The following FMN1 variants were observed in gnomAD, a reference collection of about 807,000 sequenced individuals.
The protein encoded by FMN1 is formin 1, also known as formin-1.
Under a neutral mutation model 132.4 loss-of-function variants are expected in FMN1, and 110 were observed. The observed-to-expected ratio is 0.83, with a 90% CI of 0.71 to 0.97. FMN1 has a LOEUF of 0.97. Ranked by LOEUF, FMN1 falls within the 50% of genes least tolerant of loss-of-function variation. FMN1 has a pLI of 0.00. For synonymous variants in FMN1, 722 were observed against 651.7 expected, an observed-to-expected ratio of 1.11 and a Z score of -1.64; for missense variants, 1,792 against 1,705.3, an observed-to-expected ratio of 1.05 and a Z score of -0.90.
chr15:32,829,235 T>C lies in FMN1; in HGVS notation c.3929-24903A>G, dbSNP rs535454614. 2.6e-5 allele frequency among the ~76,000 whole-genome samples: 4 copies of C among 152,336 alleles called. No homozygotes were observed. In the East Asian group the frequency reaches 7.7e-4, roughly 29 times the overall value. ...AATAACAAAAATTTGCCATGCAATATATAATCTAAGATGGCACAACAGTTT... is the reference window on the plus strand; with the variant it reads ...AATAACAAAAATTTGCCATGCAATACATAATCTAAGATGGCACAACAGTTT... On this transcript the variant is annotated intron_variant, in intron 17 of 20. Coordinates refer to ENST00000616417, the MANE Select transcript of FMN1 (RefSeq NM_001277313.2).
At chr15:33,058,342 A>G (rs998005535) in intron 6 of FMN1, among the ~76,000 whole-genome samples, 3 of 152,228 alleles carry the variant, frequency 2.0e-5, no homozygotes, top group Admixed American at 6.5e-5. Flanking sequence ...AAGAGGACTC[A>G]AAGTAGACTG....
intron 6 of FMN1, among the ~76,000 whole-genome samples, chr15:33,018,814 T>G (rs1362825002): frequency 6.6e-6 from 1 of 152,180 alleles, no homozygotes; most frequent in Non-Finnish European, 1.5e-5. Context: ...CTGGCTTCAG[T>G]GAATCTGCAT....
rs570497792 is a variant in FMN1, at chr15:33,056,278, G to C, written c.2161+8679C>G. Among the ~76,000 whole-genome samples, 57 of 152,306 alleles carry C rather than the reference G, an allele frequency of 3.7e-4. 2 individuals are homozygous for C. The highest frequency in any genetic ancestry group is 6.8e-3 in the Middle Eastern group (2 of 294). ...TTCAGAGTAATGTTTGCCATTAAAA[G>C]AAAAACCTTAGCCAAATTAAGTTTA... On this transcript the variant is annotated intron_variant, in intron 6 of 20. Coordinates refer to ENST00000616417, the MANE Select transcript of FMN1 (RefSeq NM_001277313.2).
chr15:32,811,380 A>G (rs2057871090), intron 17 of FMN1, among the ~76,000 whole-genome samples: 2 of 152,148 alleles, frequency 1.3e-5, no homozygotes, highest in African/African-American at 4.8e-5. Context: ...ATGAGGTTGT[A>G]TAAAGACATG....
intron 6 of FMN1, among the ~76,000 whole-genome samples, chr15:33,010,891 A>G (rs934861458): frequency 1.3e-5 from 2 of 151,738 alleles, no homozygotes; most frequent in Non-Finnish European, 2.9e-5. Flanking sequence ...TTTTATTGAC[A>G]TATTTTACTA....
chr15:33,088,009 T>A (rs150555349), intron 5 of FMN1, among the ~76,000 whole-genome samples: 1 of 152,052 alleles, frequency 6.6e-6, no homozygotes, highest in Non-Finnish European at 1.5e-5. Flanking sequence ...AGCTAAGCTA[T>A]GAGGACGCAA....
intron 10 of FMN1, among the ~76,000 whole-genome samples, chr15:32,920,736 G>A (rs1408003244): frequency 2.6e-5 from 4 of 152,112 alleles, no homozygotes; most frequent in Admixed American, 6.6e-5. Flanking sequence ...ACACATTCCT[G>A]CTGAAGCCAG....
intron 17 of FMN1, among the ~76,000 whole-genome samples, chr15:32,821,825 C>A (rs1004352477): frequency 2.6e-5 from 4 of 152,172 alleles, no homozygotes; most frequent in African/African-American, 9.7e-5. Context: ...AATACCCTAA[C>A]CTGGAACAAT....
In FMN1 at chr15:33,039,080, AAC is replaced by A. The variant is rs1416722443; in HGVS notation, c.2161+25875_2161+25876del. ...AAAAACTGAATTGGGGGATAAAACAAACACACACGATGTTAAACAATATAGTA... is the reference window on the plus strand; with the variant it reads ...AAAAACTGAATTGGGGGATAAAACAAACACACGATGTTAAACAATATAGTA... On this transcript the variant is annotated intron_variant, in intron 6 of 20. Transcript: ENST00000616417. 3.9e-5 allele frequency among the ~76,000 whole-genome samples: 6 copies of A among 152,342 alleles called. No homozygotes were observed. In the South Asian group the frequency reaches 1.2e-3, roughly 32 times the overall value.
At chr15:33,156,790 ATTAGGAG>A (rs1157251455) in intron 3 of FMN1, among the ~76,000 whole-genome samples, 1 of 152,194 alleles carries the variant, frequency 6.6e-6, no homozygotes, top group African/African-American at 2.4e-5. Flanking sequence ...AGCACTAAGC[ATTAGGAG>A]TTCAATTAAT....
chr15:32,924,644 G>A (rs1025202668), intron 10 of FMN1, among the ~76,000 whole-genome samples: 1 of 152,238 alleles, frequency 6.6e-6, no homozygotes, highest in African/African-American at 2.4e-5. Context: ...CATTTGCTGG[G>A]CATAGTGGCT....
chr15:32,960,112 T>C (rs547881430), intron 9 of FMN1, among the ~76,000 whole-genome samples: 2 of 152,340 alleles, frequency 1.3e-5, no homozygotes, highest in South Asian at 2.1e-4. Flanking sequence ...ATGAATCTAA[T>C]TGCATGGGAA....
intron 6 of FMN1, among the ~76,000 whole-genome samples, chr15:33,055,015 C>G (rs74244007): frequency 1.3e-5 from 2 of 152,150 alleles, no homozygotes; most frequent in East Asian, 3.8e-4. Flanking sequence ...AGCCACAGCA[C>G]TCAAAAATTT....
intron 2 of FMN1, among the ~76,000 whole-genome samples, chr15:33,182,255 T>C (rs568417848): frequency 1.3e-5 from 2 of 152,344 alleles, no homozygotes; most frequent in East Asian, 3.9e-4. Context: ...CTCTGAAGTC[T>C]GGCTCATTCA....
At chr15:33,077,663 G>A (rs2038273141) in intron 5 of FMN1, among the ~76,000 whole-genome samples, 1 of 151,552 alleles carries the variant, frequency 6.6e-6, no homozygotes, top group African/African-American at 2.4e-5. Context: ...ATGGTTTCCA[G>A]CTTCATCCAT....
In FMN1 at chr15:33,165,462, C is replaced by T. The variant is rs930073212; in HGVS notation, c.-131-10417G>A. Among the ~76,000 whole-genome samples, 6 of 152,336 alleles carry T rather than the reference C, an allele frequency of 3.9e-5. No homozygotes were observed. The East Asian group carries it at 7.7e-4, about 20-fold the overall frequency. On this transcript the variant is annotated intron_variant, in intron 3 of 20. Coordinates refer to ENST00000616417, the MANE Select transcript of FMN1 (RefSeq NM_001277313.2). ...CTGGAGTGCAGTGGCGCGATCTCGG[C>T]TCACTGCAAGCTCCGCCTCCCGGGT...
intron 3 of FMN1, among the ~76,000 whole-genome samples, chr15:33,171,361 T>C (rs934595976): frequency 6.6e-6 from 1 of 152,190 alleles, no homozygotes; most frequent in Non-Finnish European, 1.5e-5. Flanking sequence ...AGAGAAGATC[T>C]GAAATGTTCC....
In FMN1 at chr15:32,768,214, A is replaced by G. The variant is rs550670130; in HGVS notation, c.*6096T>C. On this transcript the variant is annotated 3_prime_UTR_variant, in exon 21 of 21. Coordinates refer to ENST00000616417, the MANE Select transcript of FMN1 (RefSeq NM_001277313.2). ...TATCATCCATGTCATGGGGAGGTAG[A>G]GAGTAATTTCCCTGAATAGCCAGTG... is the stretch of plus-strand genomic sequence containing the variant. 1 of 152,334 alleles carries G rather than the reference A, an allele frequency of 6.6e-6. No homozygotes were observed. Among genetic ancestry groups the G allele is most frequent in the East Asian group, 1.9e-4 (1 of 5,188 alleles). The allele number at this position is 152,334 out of a possible 1,614,324, so 9.4% of individuals were successfully genotyped here.
Position 32,957,298 on chromosome 15 carries a change from CTTTTTTTTT to C in FMN1, c.3138+6800_3138+6808del, listed in dbSNP as rs869111673. On this transcript the variant is annotated intron_variant, in intron 9 of 20. Transcript: ENST00000616417. ...AATTGGAAAGTTTATCAGAGCAGTT[CTTTTTTTTT>C]TTTTTTTTTTTTTTTTTTACAGGAA... 1.9e-4 allele frequency among the ~76,000 whole-genome samples: 16 copies of C among 84,178 alleles called. No homozygotes were observed. The South Asian group carries it at 3.5e-3, about 18-fold the overall frequency. 55.2% of individuals were successfully genotyped at this position (84,178 alleles called of 152,430 possible). A position where few individuals can be genotyped will look rare whatever the true frequency, so the allele number is the denominator to read the frequency against.
Sources: gnomAD v4.1 joint callset for allele counts (sites outside exome capture counted in the v4.1 genomes callset) on GRCh38, gnomAD v4.1.1 for gene constraint, MANE v1.5 for transcripts, NCBI Gene and HGNC (gene_info 2026-07-23, HGNC 2026-07-21) for gene names.